HOOK1: variants seen among roughly 807,000 people sequenced by gnomAD.
HOOK1 encodes the protein protein Hook homolog 1.
Under a neutral mutation model 112.8 loss-of-function variants are expected in HOOK1, and 60 were observed. That is an observed-to-expected ratio of 0.53 (90% CI 0.43 to 0.66). HOOK1 has a LOEUF of 0.66. Ranked by LOEUF, HOOK1 falls within the 30% of genes least tolerant of loss-of-function variation. The probability of loss-of-function intolerance (pLI) is 0.00; values close to 1 mark genes in which losing one functional copy is unlikely to be tolerated. For synonymous variants in HOOK1, 294 were observed against 283.8 expected (o/e 1.04, Z -0.36); for missense variants, 770 against 856.0 (o/e 0.90, Z 1.25).
At chr1:59,859,709 T>C (rs986928847) in intron 14 of HOOK1, among the ~76,000 whole-genome samples, 2 of 152,012 alleles carry the variant, frequency 1.3e-5, no homozygotes, top group African/African-American at 4.8e-5. Flanking sequence ...AAAATTTTTT[T>C]CAGAAACAAA....
chr1:59,829,360 CA>C (rs2098392188), intron 3 of HOOK1, among the ~76,000 whole-genome samples: 1 of 152,182 alleles, frequency 6.6e-6, no homozygotes, highest in East Asian at 1.9e-4. Flanking sequence ...ACAACAGCTA[CA>C]AACATTCATA....
chr1:59,868,625 C>A (rs1488722892), intron 20 of HOOK1, among the ~76,000 whole-genome samples: 2 of 152,144 alleles, frequency 1.3e-5, no homozygotes, highest in Non-Finnish European at 2.9e-5. Context: ...TAATAGAGAC[C>A]TGCTATAATG....
In HOOK1 at chr1:59,815,346, G is replaced by A; in HGVS notation, c.63+166G>A. On this transcript the variant is annotated intron_variant, in intron 1 of 21. Coordinates refer to ENST00000371208, the MANE Select transcript of HOOK1 (RefSeq NM_015888.6). ...GAGAGAATGCCACCTGCGGGTCGAC[G>A]GGCAGGTGTGTGGGCGCGGGTTGGT... The A allele has an allele frequency of 7.7e-6, 5 of 650,502 alleles. No individual in the cohort carries two copies. The South Asian group carries it at 7.7e-5, about 10-fold the overall frequency. The allele number at this position is 650,502 out of a possible 1,614,324, so 40.3% of individuals were successfully genotyped here.
chr1:59,860,358 T>C (rs2098412931), intron 15 of HOOK1, 30 bp downstream of exon 15: 1 of 1,515,750 alleles, frequency 6.6e-7, no homozygotes, highest in Non-Finnish European at 8.8e-7. Context: ...CTGAAAATCT[T>C]GGTGATTTTA....
At chr1:59,853,536 G>A (rs1325902824) in intron 12 of HOOK1, among the ~76,000 whole-genome samples, 2 of 151,594 alleles carry the variant, frequency 1.3e-5, no homozygotes, top group Admixed American at 6.6e-5. Context: ...ATTTTTAATC[G>A]ATTCTGCCAG....
In HOOK1 at chr1:59,847,160, C is replaced by A. The variant is rs1574202411; in HGVS notation, c.904C>A (p.Leu302Met). The A allele has an allele frequency of 4.4e-6, 7 of 1,602,820 alleles. No homozygotes were observed. The highest frequency in any genetic ancestry group is 1.1e-5 in the South Asian group (1 of 89,070). The part of the protein sequence containing the change: ...LTSLAEETRA[L>M]KDEIDVLRAT... The stretch of plus-strand genomic sequence containing the variant: ...TAGTCTTGCAGAAGAAACAAGAGCC[C>A]TGAAAGATGAAATAGATGTTCTTAG... The change falls in exon 10 of 22, where the codon CTG (leucine) becomes ATG (methionine). Residue 302 changes from leucine (L) to methionine (M), a missense_variant. By Grantham distance (15) the Leu-to-Met change is conservative. Transcript: ENST00000371208.
chr1:59,849,290 C>A (rs1248836772), intron 12 of HOOK1, 107 bp downstream of exon 12: 2 of 590,098 alleles, frequency 3.4e-6, no homozygotes, highest in Non-Finnish European at 2.8e-6. Flanking sequence ...TCTCTTCCTC[C>A]AGATTGAATT....
intron 9 of HOOK1, among the ~76,000 whole-genome samples, chr1:59,845,741 TATC>T (rs1280284288): frequency 1.3e-5 from 2 of 151,938 alleles, no homozygotes; most frequent in Non-Finnish European, 2.9e-5. Flanking sequence ...CATACTTTAT[TATC>T]CTGTATATGT....
intron 2 of HOOK1, among the ~76,000 whole-genome samples, chr1:59,823,390 A>C (rs2098387354): frequency 6.6e-6 from 1 of 152,376 alleles, no homozygotes; most frequent in Admixed American, 6.5e-5. Flanking sequence ...GATTTAATTC[A>C]TCAGAGCCAA....
rs74085817 is a variant in HOOK1, at chr1:59,818,920, A to G, written c.64-2938A>G. On this transcript the variant is annotated intron_variant, in intron 1 of 21. Transcript: ENST00000371208. ...TTTCCTTGATTTCTGTGACATTTAT[A>G]TTAAAGTAGTTTAGGAACAGCATTT... Among the ~76,000 whole-genome samples, 128 of 152,218 alleles carry G rather than the reference A, an allele frequency of 8.4e-4. 1 individual carries two copies. The highest frequency in any genetic ancestry group is 3.1e-3 in the African/African-American group (127 of 41,544).
At chr1:59,865,314 T>A (rs1643942824) in intron 18 of HOOK1, 69 bp downstream of exon 18, 6 of 924,666 alleles carry the variant, frequency 6.5e-6, no homozygotes. Context: ...TATTGAAGGA[T>A]CCAAGGTCTA....
At chr1:59,826,995 C>A (rs968424668) in intron 2 of HOOK1, among the ~76,000 whole-genome samples, 3 of 152,078 alleles carry the variant, frequency 2.0e-5, no homozygotes, top group Non-Finnish European at 4.4e-5. Context: ...AAACTCCTGA[C>A]CTCAGGTGAT....
Position 59,859,034 on chromosome 1 carries a change from A to T in HOOK1, c.1380A>T (p.Pro460=). ...AGAATCTTGCTGCTGAGATTATGCC[A>T]GTGGAATATAGGTAAATTTGTTTCA... ...SYENLAAEIM[P]VEYREVFIRL... The change falls in exon 14 of 22, where the codon CCA becomes CCT. Residue 460 remains proline (P), a synonymous_variant. Coordinates refer to ENST00000371208, the MANE Select transcript of HOOK1 (RefSeq NM_015888.6). 6.5e-7 allele frequency: 1 copy of T among 1,529,618 alleles called. No homozygotes were observed. Among genetic ancestry groups the T allele is most frequent in the Non-Finnish European group, 8.9e-7 (1 of 1,120,346 alleles). The allele number at this position is 1,529,618 out of a possible 1,614,324, so 94.8% of individuals were successfully genotyped here.
intron 16 of HOOK1, among the ~76,000 whole-genome samples, chr1:59,864,252 A>C (rs1314607232): frequency 1.3e-5 from 2 of 151,884 alleles, no homozygotes; most frequent in Admixed American, 6.6e-5. Flanking sequence ...GAGGCCCAAA[A>C]TCTTAAAATT....
At chr1:59,819,662 T>C (rs946202729) in intron 1 of HOOK1, among the ~76,000 whole-genome samples, 3 of 152,308 alleles carry the variant, frequency 2.0e-5, no homozygotes, top group East Asian at 1.9e-4. Context: ...GTACCTCTTA[T>C]TTTGCCTAGT....
In HOOK1 at chr1:59,849,168, A is replaced by G; in HGVS notation, c.1227A>G (p.Leu409=). ...MKRLEEKHEA[L]LKEKERLIEQ... Reference sequence around the variant, plus strand: ...GGCTTGAAGAAAAACATGAAGCTTTACTTAAGGAAAAAGAGGTAAACATAG... The same window carrying G: ...GGCTTGAAGAAAAACATGAAGCTTTGCTTAAGGAAAAAGAGGTAAACATAG... The change falls in exon 12 of 22, where the codon TTA becomes TTG. Residue 409 remains leucine, a synonymous_variant. Transcript: ENST00000371208. 1.2e-6 allele frequency: 2 copies of G among 1,603,054 alleles called. No individual in the cohort carries two copies. The highest frequency in any genetic ancestry group is 1.3e-5 in the African/African-American group (1 of 74,654).
chr1:59,858,746 GGAAA>G (rs1216896423), intron 13 of HOOK1, among the ~76,000 whole-genome samples: 3 of 145,632 alleles, frequency 2.1e-5, no homozygotes, highest in African/African-American at 7.6e-5. Context: ...AAGAGAGAAA[GGAAA>G]GAAAGAAGGA....
At chr1:59,858,393 TTAAA>T (rs753227201) in intron 12 of HOOK1, 31 bp from the exon 13 acceptor site, 1 of 1,255,016 alleles carries the variant, frequency 8.0e-7, no homozygotes, top group South Asian at 1.2e-5. Flanking sequence ...ATAGGCAGAA[TTAAA>T]TACTTTGCTG....
At chr1:59,831,475 C>T (rs551372122) in intron 3 of HOOK1, among the ~76,000 whole-genome samples, 1 of 152,238 alleles carries the variant, frequency 6.6e-6, no homozygotes, top group African/African-American at 2.4e-5. Flanking sequence ...TTGGAAAGAA[C>T]ATTCAGTTTC....
Sources: gnomAD v4.1 joint callset for allele counts (sites outside exome capture counted in the v4.1 genomes callset) on GRCh38, gnomAD v4.1.1 for gene constraint, MANE v1.5 for transcripts, NCBI Gene and HGNC (gene_info 2026-07-23, HGNC 2026-07-21) for gene names.